Variants in ZCCHC2 observed in about 807,000 individuals in gnomAD.
The protein encoded by ZCCHC2 is zinc finger CCHC-type containing 2.
In ZCCHC2, 39 loss-of-function variants were observed where a neutral mutation model predicts 103.6. The observed-to-expected ratio is 0.38, with a 90% CI of 0.29 to 0.49. The LOEUF (loss-of-function observed/expected upper bound fraction) is 0.49, where lower values mean the gene tolerates loss of function less well. ZCCHC2 is among the 20% of genes least tolerant of loss of function. The pLI is 0.96. For missense variants in ZCCHC2, 1,483 were observed against 1,491.0 expected, an observed-to-expected ratio of 0.99 and a Z score of 0.09; for synonymous variants, 687 against 608.9, an observed-to-expected ratio of 1.13 and a Z score of -1.89.
intron 5 of ZCCHC2, 92 bp downstream of exon 5, chr18:62,550,552 T>A (rs1568547412): frequency 2.3e-6 from 2 of 874,926 alleles, no homozygotes; most frequent in Non-Finnish European, 1.8e-6. Context: ...ATCATAGAGA[T>A]CCTTTCTCTG....
chr18:62,574,376 A>G lies in ZCCHC2; in HGVS notation c.2295A>G (p.Ala765=), dbSNP rs773326382. The change falls in exon 13 of 14, where the codon GCA becomes GCG. Residue 765 remains alanine (A), a synonymous_variant. Coordinates refer to ENST00000269499, the MANE Select transcript of ZCCHC2 (RefSeq NM_017742.6). ...CTATTTCTGCAATAAGGGAGTCTGC[A>G]AATTCAACCCCTGTTGGAATACTAG... ...PVAISAIRES[A]NSTPVGILGP... 3 of 1,613,908 alleles carry G rather than the reference A, an allele frequency of 1.9e-6. No homozygotes were observed. The African/African-American group carries it at 4.0e-5, about 22-fold the overall frequency.
chr18:62,556,735 C>G (rs1915900420), intron 6 of ZCCHC2, among the ~76,000 whole-genome samples: 1 of 152,208 alleles, frequency 6.6e-6, no homozygotes, highest in Admixed American at 6.5e-5. Flanking sequence ...AAAGGACAAC[C>G]CATACTAGAC....
At chr18:62,582,237 C>T (rs182059157), downstream of ZCCHC2, among the ~76,000 whole-genome samples, 18 of 152,242 alleles carry the variant, frequency 1.2e-4, no homozygotes, top group African/African-American at 3.9e-4. Flanking sequence ...GGTTGAAAGA[C>T]GGGTTAGGCA....
At chr18:62,566,494 C>G (rs1347278556) in intron 11 of ZCCHC2, among the ~76,000 whole-genome samples, 1 of 152,192 alleles carries the variant, frequency 6.6e-6, no homozygotes, top group African/African-American at 2.4e-5. Flanking sequence ...CTCCCTGTCT[C>G]TGTTCCTTCT....
At chr18:62,565,313 C>T (rs981681329) in intron 11 of ZCCHC2, among the ~76,000 whole-genome samples, 1 of 152,072 alleles carries the variant, frequency 6.6e-6, no homozygotes, top group African/African-American at 2.4e-5. Flanking sequence ...TTGCCTTTGC[C>T]TCAGTGATTC....
chr18:62,586,365 A>G (rs574426635), exon 15 of ZCCHC2: 1 of 152,078 alleles, frequency 6.6e-6, no homozygotes, highest in African/African-American at 2.4e-5. Context: ...TAGGCTGGCC[A>G]GTCACTAGGG....
chr18:62,529,181 A>AG (rs1491456111), intron 1 of ZCCHC2, among the ~76,000 whole-genome samples: 4 of 151,058 alleles, frequency 2.6e-5, no homozygotes, highest in Admixed American at 2.0e-4. Context: ...AAAAAAAAAA[A>AG]GATGCTTTTT....
At chr18:62,535,253 TGTG>T (rs1450762106) in intron 1 of ZCCHC2, among the ~76,000 whole-genome samples, 1 of 152,202 alleles carries the variant, frequency 6.6e-6, no homozygotes, top group East Asian at 1.9e-4. Context: ...GACTTAAAGA[TGTG>T]GGGGCTGCTG....
chr18:62,538,260 CAAAA>C (rs35609138), intron 1 of ZCCHC2, among the ~76,000 whole-genome samples: 8 of 122,632 alleles, frequency 6.5e-5, no homozygotes, highest in East Asian at 4.8e-4. Context: ...GACCCTGTCT[CAAAA>C]AAAAAAAAAA....
At chr18:62,582,970 G>A (rs942881438), downstream of ZCCHC2, among the ~76,000 whole-genome samples, 1 of 152,128 alleles carries the variant, frequency 6.6e-6, no homozygotes, top group Non-Finnish European at 1.5e-5. Flanking sequence ...TGGTCCTGGT[G>A]GTCTATGCCT....
intron 9 of ZCCHC2, among the ~76,000 whole-genome samples, 199 bp downstream of exon 9, chr18:62,563,343 TTGTG>T (rs1287443616): frequency 6.6e-6 from 1 of 152,344 alleles, no homozygotes; most frequent in East Asian, 1.9e-4. Flanking sequence ...CTTTTATTGC[TTGTG>T]TAAGATTAGT....
At chr18:62,531,456 C>T (rs1029905737) in intron 1 of ZCCHC2, among the ~76,000 whole-genome samples, 1 of 152,136 alleles carries the variant, frequency 6.6e-6, no homozygotes, top group Non-Finnish European at 1.5e-5. Context: ...TTGAAAAGGT[C>T]ATTTTGGCAA....
At chr18:62,546,023 T>C (rs1387921543) in intron 4 of ZCCHC2, among the ~76,000 whole-genome samples, 2 of 152,254 alleles carry the variant, frequency 1.3e-5, no homozygotes, top group Non-Finnish European at 2.9e-5. Flanking sequence ...TCCATCTTCC[T>C]GTGGTTTATT....
Position 62,535,605 on chromosome 18 carries a change from G to A in ZCCHC2, c.940-4076G>A, listed in dbSNP as rs148525114. 2.7e-3 allele frequency among the ~76,000 whole-genome samples: 411 copies of A among 152,232 alleles called. 3 individuals are homozygous for A. Among genetic ancestry groups the A allele is most frequent in the Middle Eastern group, 0.01 (3 of 294 alleles). ...TCTCTCCACGTGGTCCATCAAGTGC[G>A]GCTGCCAGGAGAAGTGCATGTCTCA... On this transcript the variant is annotated intron_variant, in intron 1 of 13. Transcript: ENST00000269499.
At chr18:62,541,829 A>G (rs1335825873) in intron 2 of ZCCHC2, among the ~76,000 whole-genome samples, 1 of 152,220 alleles carries the variant, frequency 6.6e-6, no homozygotes, top group Non-Finnish European at 1.5e-5. Context: ...TACTTCATGA[A>G]TAAACTGATT....
At chr18:62,553,489 G>A (rs1029098127) in intron 5 of ZCCHC2, among the ~76,000 whole-genome samples, 3 of 150,834 alleles carry the variant, frequency 2.0e-5, no homozygotes, top group Admixed American at 6.6e-5. Context: ...ACAGGACCTC[G>A]CTCTGTTGCC....
At chr18:62,557,499 A>G (rs181504694) in intron 6 of ZCCHC2, among the ~76,000 whole-genome samples, 1 of 152,358 alleles carries the variant, frequency 6.6e-6, no homozygotes, top group East Asian at 1.9e-4. Context: ...GTAATTATCA[A>G]TCCGAATTAA....
intron 4 of ZCCHC2, among the ~76,000 whole-genome samples, chr18:62,550,058 G>T (rs1293156063): frequency 3.3e-5 from 5 of 152,216 alleles, no homozygotes; most frequent in African/African-American, 4.8e-5. Context: ...TGGAGCCAGA[G>T]TGTAAGGTCC....
intron 1 of ZCCHC2, among the ~76,000 whole-genome samples, chr18:62,527,661 A>G (rs908264838): frequency 6.6e-6 from 1 of 152,142 alleles, no homozygotes; most frequent in Non-Finnish European, 1.5e-5. Flanking sequence ...TTCAGCAAAG[A>G]GGCCAGGGAG....
Sources: allele counts gnomAD v4.1 joint callset (sites outside exome capture counted in the v4.1 genomes callset), GRCh38; gene constraint gnomAD v4.1.1; transcripts MANE v1.5; gene names NCBI Gene and HGNC (gene_info 2026-07-23, HGNC 2026-07-21).